SEH1L: variants seen among roughly 807,000 people sequenced by gnomAD.
SEH1L encodes the protein SEH1 like nucleoporin.
A neutral mutation model predicts 49.5 loss-of-function variants in SEH1L; 18 were observed. The ratio of observed to expected loss-of-function variants is 0.36; its 90% CI spans 0.25 to 0.54. The LOEUF is 0.54. Ranked by LOEUF, SEH1L falls within the 20% of genes least tolerant of loss-of-function variation. The pLI, the probability that SEH1L is intolerant of heterozygous loss-of-function variation, is 0.87. For synonymous variants in SEH1L, 169 were observed against 178.1 expected, an observed-to-expected ratio of 0.95 and a Z score of 0.41; for missense variants, 404 against 528.8, an observed-to-expected ratio of 0.76 and a Z score of 2.31.
intron 3 of SEH1L, among the ~76,000 whole-genome samples, chr18:12,958,000 C>T (rs892828804): frequency 2.7e-5 from 4 of 148,836 alleles, no homozygotes; most frequent in Admixed American, 2.0e-4. Flanking sequence ...TGAGCCACTA[C>T]GAGGGCCATG....
chr18:12,985,597 G>A, intron 8 of SEH1L: 1 of 1,056,876 alleles, frequency 9.5e-7, no homozygotes, highest in African/African-American at 1.7e-5. Flanking sequence ...TTGGGAGGAG[G>A]GGAATACCAC....
intron 5 of SEH1L, chr18:12,972,786 G>C (rs1259706501): frequency 6.6e-6 from 1 of 152,230 alleles, no homozygotes; most frequent in Non-Finnish European, 1.5e-5. Context: ...GTTTTAAGCT[G>C]TAAAAACTAT....
chr18:12,969,450 G>A (rs936366066), intron 4 of SEH1L, among the ~76,000 whole-genome samples: 18 of 151,944 alleles, frequency 1.2e-4, no homozygotes, highest in Non-Finnish European at 1.9e-4. Flanking sequence ...AGCACTTTGG[G>A]AGGCCGAGGT....
intron 4 of SEH1L, among the ~76,000 whole-genome samples, chr18:12,968,368 G>T (rs776771917): frequency 2.0e-5 from 3 of 152,162 alleles, no homozygotes; most frequent in Admixed American, 6.5e-5. Context: ...TGAACCATTG[G>T]GGCGCAGTTC....
At chr18:12,949,396 C>A (rs1280738934) in intron 1 of SEH1L, among the ~76,000 whole-genome samples, 1 of 75,838 alleles carries the variant, frequency 1.3e-5, no homozygotes, top group Non-Finnish European at 2.9e-5. Context: ...GATGTAGTTT[C>A]TTTTTTAAAA....
At chr18:12,971,335 A>G (rs1175603561) in intron 5 of SEH1L, 84 bp downstream of exon 5, 17 of 911,260 alleles carry the variant, frequency 1.9e-5, no homozygotes, top group Non-Finnish European at 2.8e-5. Flanking sequence ...TTACAGAATT[A>G]TGTGTCATTC....
At chr18:12,957,788 C>T (rs950618234) in intron 3 of SEH1L, among the ~76,000 whole-genome samples, 5 of 152,300 alleles carry the variant, frequency 3.3e-5, no homozygotes, top group Admixed American at 2.0e-4. Context: ...CCAGTCACAG[C>T]TCATTGCAGT....
At chr18:12,985,817 AG>A in intron 8 of SEH1L, 1 of 939,006 alleles carries the variant, frequency 1.1e-6, no homozygotes, top group Non-Finnish European at 1.3e-6. Flanking sequence ...AAAAAATATT[AG>A]TAAAGGAGTG....
chr18:12,982,867 A>C, intron 7 of SEH1L, 192 bp downstream of exon 7: 1 of 489,134 alleles, frequency 2.0e-6, no homozygotes, highest in Non-Finnish European at 3.6e-6. Flanking sequence ...TTTTTAAGTT[A>C]TGTGGAACAG....
At chr18:12,951,764 C>T (rs1026713225) in intron 1 of SEH1L, 91 bp from the exon 2 acceptor site, 31 of 758,960 alleles carry the variant, frequency 4.1e-5, no homozygotes, top group Middle Eastern at 2.3e-4. Flanking sequence ...ATATGTTCAC[C>T]GCTTTCCTTG....
chr18:12,961,481 TACTGTA>T (rs1170014397), intron 3 of SEH1L, among the ~76,000 whole-genome samples: 1 of 152,220 alleles, frequency 6.6e-6, no homozygotes, highest in Non-Finnish European at 1.5e-5. Flanking sequence ...TCTGACTACC[TACTGTA>T]ACAAATGCAT....
In SEH1L at chr18:12,987,065, A is replaced by G; in HGVS notation, c.*8A>G. 6.4e-7 allele frequency: 1 copy of G among 1,563,824 alleles called. No homozygotes were observed. ...GAGAATGAAGGGATTTAAAACACTG[A>G]TTTAACATTGAAAGGCCTTATTCAA... On this transcript the variant is annotated 3_prime_UTR_variant, in exon 9 of 9. Coordinates refer to ENST00000399892, the MANE Select transcript of SEH1L (RefSeq NM_001013437.2).
At chr18:12,986,194 T>C in intron 8 of SEH1L, 4 of 985,406 alleles carry the variant, frequency 4.1e-6, no homozygotes, top group Non-Finnish European at 4.8e-6. Flanking sequence ...GTTCTGACCT[T>C]GATAACAAAG....
At chr18:12,948,260 G>C (rs1458956277) in intron 1 of SEH1L, 28 bp downstream of exon 1, 1 of 1,551,260 alleles carries the variant, frequency 6.4e-7, no homozygotes, top group South Asian at 1.1e-5. Flanking sequence ...GGGCGGGGCC[G>C]ACCCCGGAAG....
At chr18:12,955,066 G>A (rs1050471932) in intron 2 of SEH1L, among the ~76,000 whole-genome samples, 1 of 151,954 alleles carries the variant, frequency 6.6e-6, no homozygotes, top group Non-Finnish European at 1.5e-5. Flanking sequence ...GGTATTTTCT[G>A]TAGAAAGAAT....
Position 12,963,157 on chromosome 18 carries a change from T to A in SEH1L, c.310-3T>A. ...ATTTAAATTGTTATTATTTTTTTTTTAGGTTAAAAGGACAACTCTGGTGGA... is the reference window on the plus strand; with the variant it reads ...ATTTAAATTGTTATTATTTTTTTTTAAGGTTAAAAGGACAACTCTGGTGGA... On this transcript the variant is annotated splice_region_variant and splice_polypyrimidine_tract_variant and intron_variant, in intron 3 of 8. Coordinates refer to ENST00000399892, the MANE Select transcript of SEH1L (RefSeq NM_001013437.2). 1 of 1,570,998 alleles carries A rather than the reference T, an allele frequency of 6.4e-7. No homozygotes were observed. The highest frequency in any genetic ancestry group is 1.2e-5 in the South Asian group (1 of 85,934).
At chr18:12,982,457 G>GTATATA (rs372997937) in intron 6 of SEH1L, 61 bp from the exon 7 acceptor site, 2 of 1,150,334 alleles carry the variant, frequency 1.7e-6, no homozygotes, top group Middle Eastern at 2.0e-4. Context: ...ATATGTGTGT[G>GTATATA]TATATATATA....
Position 12,986,120 on chromosome 18 carries a change from G to T in SEH1L, c.1071-742G>T, listed in dbSNP as rs2032447571. 1.3e-5 allele frequency: 13 copies of T among 984,390 alleles called. 1 individual carries two copies. Among genetic ancestry groups the T allele is most frequent in the Middle Eastern group, 5.2e-4 (1 of 1,932 alleles). 61.0% of individuals were successfully genotyped at this position (984,390 alleles called of 1,614,324 possible). ...AATTGTGCATGTAAATTAATTGTCA[G>T]CATTCCATGTCTCAAGATTTTCTTA... On this transcript the variant is annotated intron_variant, in intron 8 of 8. Transcript: ENST00000399892.
At chr18:12,974,850 T>C (rs2031850880) in intron 5 of SEH1L, among the ~76,000 whole-genome samples, 1 of 152,162 alleles carries the variant, frequency 6.6e-6, no homozygotes. Flanking sequence ...ACCAACAGAG[T>C]GAATGACTAG....
Sources: gnomAD v4.1 joint callset for allele counts (sites outside exome capture counted in the v4.1 genomes callset) on GRCh38, gnomAD v4.1.1 for gene constraint, MANE v1.5 for transcripts, NCBI Gene and HGNC (gene_info 2026-07-23, HGNC 2026-07-21) for gene names.